Variants in WNT10A observed in about 807,000 individuals in gnomAD.
The protein encoded by WNT10A is protein Wnt-10a.
A neutral mutation model predicts 36.1 loss-of-function variants in WNT10A; 37 were observed. The observed-to-expected ratio is 1.02, with a 90% CI of 0.79 to 1.35. The LOEUF is 1.35. Among genes scored for constraint, WNT10A ranks in the 40% most tolerant of loss-of-function variants. The pLI, the probability that WNT10A is intolerant of heterozygous loss-of-function variation, is 0.00. For synonymous variants in WNT10A, 255 were observed against 254.1 expected, an observed-to-expected ratio of 1.00 and a Z score of -0.03; for missense variants, 613 against 601.4, an observed-to-expected ratio of 1.02 and a Z score of -0.20.
intron 2 of WNT10A, among the ~76,000 whole-genome samples, chr2:218,886,136 T>C (rs2106013947): frequency 6.6e-6 from 1 of 152,162 alleles, no homozygotes; most frequent in African/African-American, 2.4e-5. Context: ...CAACACTAAG[T>C]CCCGCTGTGT....
upstream of WNT10A, among the ~76,000 whole-genome samples, chr2:218,876,379 G>A (rs1337977340): frequency 6.6e-6 from 1 of 152,130 alleles, no homozygotes; most frequent in Admixed American, 6.6e-5. Flanking sequence ...GACCCTCACC[G>A]TGGCTTCCAG....
At chr2:218,879,376 T>C (rs569316335), upstream of WNT10A, among the ~76,000 whole-genome samples, 20 of 152,348 alleles carry the variant, frequency 1.3e-4, no homozygotes, top group South Asian at 3.3e-3. Flanking sequence ...TGTAAAGGCT[T>C]GTGCCCATTT....
rs777307167 is a variant in WNT10A at position 218,890,128 on chromosome 2, T to C, written c.521T>C (p.Leu174Pro). 3.1e-6 allele frequency: 5 copies of C among 1,614,202 alleles called. No homozygotes were observed. In the South Asian group the frequency reaches 5.5e-5, roughly 18 times the overall value. Residue 174 changes from leucine (L) to proline (P), a missense_variant, in exon 3 of 4, where the codon CTG becomes CCG. By Grantham distance (98) the Leu-to-Pro change is moderately conservative. Coordinates refer to ENST00000258411, the MANE Select transcript of WNT10A (RefSeq NM_025216.3). The part of the protein sequence containing the change: ...RGDEEAFRRK[L>P]HRLQLDALQR... ...GACGAGGAGGCCTTCCGTAGGAAGC[T>C]GCACCGCTTACAACTGGATGCACTG...
upstream of WNT10A, chr2:218,880,755 G>C: frequency 2.1e-6 from 1 of 470,268 alleles, no homozygotes; most frequent in Admixed American, 4.4e-5. The surrounding 1 kb of genome is among the most constrained non-coding windows in gnomAD (Gnocchi z 7.7). Flanking sequence ...CCGGACCCCT[G>C]TGCCAGGAGG....
chr2:218,893,339 T>G lies in WNT10A; in HGVS notation c.*68T>G. The G allele has an allele frequency of 6.7e-7, 1 of 1,495,794 alleles. No individual in the cohort carries two copies. The highest frequency in any genetic ancestry group is 8.9e-7 in the Non-Finnish European group (1 of 1,125,370). The allele number at this position is 1,495,794 out of a possible 1,614,324, so 92.7% of individuals were successfully genotyped here. A position where few individuals can be genotyped will look rare whatever the true frequency, so the allele number is the denominator to read the frequency against. On this transcript the variant is annotated 3_prime_UTR_variant, in exon 4 of 4. Coordinates refer to ENST00000258411, the MANE Select transcript of WNT10A (RefSeq NM_025216.3). The surrounding 1 kb of genome is among the most constrained non-coding windows in gnomAD (Gnocchi z 6.3). ...GAGCCTGGCCCTCTGAGGCTTACGG[T>G]CTTGGCAAGGCAGCATCGCCTTGGC... is the stretch of plus-strand genomic sequence containing the variant.
In WNT10A at chr2:218,881,044, C is replaced by T. The variant is rs1304739962; in HGVS notation, c.49C>T (p.Gln17Ter). ...CTGGCTGCGGCTCCGACCCCAGCCC[C>T]AGCCGCGGCCAGCGCTCTGGGTGCT... ...RPWLRLRPQP[Q>*]PRPALWVLLF... Residue 17 changes from glutamine to a stop codon, truncating the protein, a stop_gained, in exon 1 of 4, where the codon CAG (glutamine) becomes TAG (stop). Coordinates refer to ENST00000258411, the MANE Select transcript of WNT10A (RefSeq NM_025216.3). LOFTEE classifies it high-confidence loss of function. 6.2e-7 allele frequency: 1 copy of T among 1,603,362 alleles called. No homozygotes were observed. The highest frequency in any genetic ancestry group is 1.1e-5 in the South Asian group (1 of 89,202).
At chr2:218,883,444 C>T (rs1281406148) in intron 2 of WNT10A, among the ~76,000 whole-genome samples, 3 of 152,080 alleles carry the variant, frequency 2.0e-5, no homozygotes, top group African/African-American at 7.2e-5. Context: ...AGCCGCGGCC[C>T]TTCCCTTTTC....
chr2:218,889,612 G>A (rs1944621522), intron 2 of WNT10A, among the ~76,000 whole-genome samples: 1 of 152,216 alleles, frequency 6.6e-6, no homozygotes, highest in Admixed American at 6.5e-5. Context: ...TAAAATTGCA[G>A]ATACCACTGT....
upstream of WNT10A, among the ~76,000 whole-genome samples, chr2:218,878,173 GA>G (rs1944470198): frequency 6.6e-6 from 1 of 152,180 alleles, no homozygotes; most frequent in Non-Finnish European, 1.5e-5. This position sits in a 1 kb window ranked among gnomAD's most constrained non-coding sequence, Gnocchi z 4.1. Flanking sequence ...AGGGGGTGCT[GA>G]TAGGGGCTTG....
At chr2:218,877,192 A>G (rs1200559760), upstream of WNT10A, among the ~76,000 whole-genome samples, 3 of 152,124 alleles carry the variant, frequency 2.0e-5, no homozygotes, top group African/African-American at 7.2e-5. This position sits in a 1 kb window ranked among gnomAD's most constrained non-coding sequence, Gnocchi z 4.1. Flanking sequence ...TGCTAGCTTG[A>G]CCTTGGTCAA....
At chr2:218,882,502 C>G in intron 2 of WNT10A, 79 bp downstream of exon 2, 1 of 1,572,738 alleles carries the variant, frequency 6.4e-7, no homozygotes, top group Non-Finnish European at 8.7e-7. Flanking sequence ...CATTTCTAAC[C>G]CACTGCCTCA....
chr2:218,876,544 C>A (rs924945276), upstream of WNT10A, among the ~76,000 whole-genome samples: 17 of 152,062 alleles, frequency 1.1e-4, no homozygotes, highest in Admixed American at 3.3e-4. Context: ...TCCCTTGGGT[C>A]AAATGTCTGG....
At chr2:218,889,254 T>G (rs1282844735) in intron 2 of WNT10A, among the ~76,000 whole-genome samples, 1 of 152,236 alleles carries the variant, frequency 6.6e-6, no homozygotes, top group Non-Finnish European at 1.5e-5. Context: ...TGCCATTATT[T>G]TGTTCCTTTT....
At chr2:218,879,228 G>A (rs897682600), upstream of WNT10A, among the ~76,000 whole-genome samples, 1 of 152,136 alleles carries the variant, frequency 6.6e-6, no homozygotes, top group African/African-American at 2.4e-5. Flanking sequence ...TGGGGACAAG[G>A]AGGGCCCCAC....
At chr2:218,875,108 C>T in the WNT10A span, among the ~76,000 whole-genome samples, 1 of 138,186 alleles carries the variant, frequency 7.2e-6, no homozygotes, top group Admixed American at 7.8e-5. Context: ...TGGGCTTCCT[C>T]GCTGCATGTT....
At chr2:218,892,719 G>A in intron 3 of WNT10A, 55 bp from the exon 4 acceptor site, 1 of 1,549,122 alleles carries the variant, frequency 6.5e-7, no homozygotes. Flanking sequence ...GCTAAGCGCT[G>A]GGAGGGGAGT....
At chr2:218,875,470 G>A in the WNT10A span, among the ~76,000 whole-genome samples, 2 of 152,036 alleles carry the variant, frequency 1.3e-5, no homozygotes, top group African/African-American at 2.4e-5. Flanking sequence ...GATTACAGGC[G>A]TGAGCCACCG....
At chr2:218,880,794 G>A, upstream of WNT10A, 1 of 493,284 alleles carries the variant, frequency 2.0e-6, no homozygotes, top group Non-Finnish European at 3.5e-6. The surrounding 1 kb of genome is among the most constrained non-coding windows in gnomAD (Gnocchi z 7.7). Flanking sequence ...TTCACCCCCC[G>A]CCCCCCCCGA....
chr2:218,880,871 A>C lies in WNT10A; in HGVS notation c.-125A>C. The C allele has an allele frequency of 8.1e-7, 1 of 1,231,086 alleles. No homozygotes were observed. Among genetic ancestry groups the C allele is most frequent in the Non-Finnish European group, 1.1e-6 (1 of 928,046 alleles). The allele number at this position is 1,231,086 out of a possible 1,614,324, so 76.3% of individuals were successfully genotyped here. ...GGCGCCGTCTGCTCCGGGAGCCCTG[A>C]CCCGAGTCGGAGCTGTGTGTCGCAG... On this transcript the variant is annotated 5_prime_UTR_variant, in exon 1 of 4. Coordinates refer to ENST00000258411, the MANE Select transcript of WNT10A (RefSeq NM_025216.3). The surrounding 1 kb of genome is among the most constrained non-coding windows in gnomAD (Gnocchi z 7.7).
Sources: allele counts gnomAD v4.1 joint callset (sites outside exome capture counted in the v4.1 genomes callset), GRCh38; gene constraint gnomAD v4.1.1; non-coding constraint Gnocchi (gnomAD v3.1); transcripts MANE v1.5; gene names NCBI Gene and HGNC (gene_info 2026-07-23, HGNC 2026-07-21).